The following PCDHA5 variants were observed in gnomAD, a reference collection of about 807,000 sequenced individuals.
PCDHA5 encodes protocadherin alpha 5, also known as protocadherin alpha-5.
A neutral mutation model predicts 61.6 loss-of-function variants in PCDHA5; 43 were observed. The observed-to-expected ratio is 0.70, with a 90% confidence interval of 0.55 to 0.90. The LOEUF (loss-of-function observed/expected upper bound fraction) is 0.90, where lower values mean the gene tolerates loss of function less well. Among genes scored for constraint, PCDHA5 ranks in the 40% least tolerant of loss-of-function variants. PCDHA5 has a pLI of 0.00. For synonymous variants in PCDHA5, 627 were observed against 543.9 expected, an observed-to-expected ratio of 1.15 and a Z score of -2.13; for missense variants, 1,298 against 1,222.7, an observed-to-expected ratio of 1.06 and a Z score of -0.92.
chr5:140,967,020 C>G (rs782147091), intron 1 of PCDHA5: 4 of 1,607,570 alleles, frequency 2.5e-6, no homozygotes, highest in African/African-American at 1.3e-5. Flanking sequence ...CTGGGTGCGC[C>G]CAGTCCGCGC....
intron 3 of PCDHA5, among the ~76,000 whole-genome samples, chr5:141,000,383 C>G (rs1324907388): frequency 4.7e-5 from 3 of 63,178 alleles, no homozygotes; most frequent in South Asian, 1.1e-3. Flanking sequence ...CTCTCTCTCT[C>G]TCTCTCTCTC....
At chr5:140,828,176 G>C (rs782133322) in intron 1 of PCDHA5, 1 of 1,614,128 alleles carries the variant, frequency 6.2e-7, no homozygotes, top group African/African-American at 1.3e-5. Flanking sequence ...GGTGGGGAGC[G>C]GCCAGCTCCA....
intron 1 of PCDHA5, among the ~76,000 whole-genome samples, chr5:140,931,201 A>G (rs1444701917): frequency 2.6e-5 from 4 of 152,176 alleles, no homozygotes; most frequent in Admixed American, 2.6e-4. Context: ...CTACAATGCT[A>G]GTATTTCAGG....
chr5:140,823,029 G>A lies in PCDHA5; in HGVS notation c.1254G>A (p.Ser418=), dbSNP rs2150121512. 5.3e-5 allele frequency: 85 copies of A among 1,614,220 alleles called. No homozygotes were observed. In the Middle Eastern group the frequency reaches 8.3e-4, roughly 16 times the overall value. Residue 418 remains serine (S), a synonymous_variant, in exon 1 of 4, where the codon TCG becomes TCA. Coordinates refer to ENST00000529859, the MANE Select transcript of PCDHA5 (RefSeq NM_018908.3). ...GCGCCCTGGACCGCGAGAGCGTGTC[G>A]GTCTATGAGCTGGTGGTGACCGCGC... ...LDSALDRESV[S]VYELVVTARD... is the part of the protein sequence containing the mutation.
intron 1 of PCDHA5, among the ~76,000 whole-genome samples, chr5:140,952,940 G>A (rs2094821781): frequency 6.6e-6 from 1 of 152,066 alleles, no homozygotes. Context: ...AGGAGCAAGA[G>A]AGAGAGAAGG....
intron 1 of PCDHA5, chr5:140,835,557 C>CG: frequency 5.0e-6 from 8 of 1,613,936 alleles, no homozygotes; most frequent in African/African-American, 1.3e-5. Context: ...CCTGACGCCC[C>CG]GCGTTCCCTT....
At chr5:140,907,873 CACTCA>C (rs2073658134) in intron 1 of PCDHA5, among the ~76,000 whole-genome samples, 1 of 152,226 alleles carries the variant, frequency 6.6e-6, no homozygotes, top group Non-Finnish European at 1.5e-5. Context: ...CGTTGGTGAG[CACTCA>C]CATGGGATAC....
intron 1 of PCDHA5, among the ~76,000 whole-genome samples, chr5:140,975,398 TCA>T (rs1554236785): frequency 1.3e-4 from 20 of 152,270 alleles, no homozygotes. Flanking sequence ...TCCATCACAA[TCA>T]CAGTCTTGGA....
chr5:140,841,857 T>C, intron 1 of PCDHA5: 3 of 1,613,860 alleles, frequency 1.9e-6, no homozygotes, highest in South Asian at 1.1e-5. Context: ...GATTACTTCA[T>C]GCTAGATGTG....
intron 3 of PCDHA5, among the ~76,000 whole-genome samples, chr5:141,005,561 G>T (rs1554260149): frequency 6.6e-6 from 1 of 151,354 alleles, no homozygotes. Flanking sequence ...AATTAGCCGG[G>T]CATGGTGGCG....
chr5:141,009,746 T>C lies in PCDHA5; in HGVS notation c.2620T>C (p.Phe874Leu). ...CGGTCCCGGTGAGTTGCCCGACAAA[T>C]TCATTATCCCAGGATCTCCTGCAAT... ...QSGPGELPDK[F>L]IIPGSPAIIS... The change falls in exon 4 of 4, where the codon TTC becomes CTC. Residue 874 changes from phenylalanine to leucine, a missense_variant. Transcript: ENST00000529859. 6.2e-7 allele frequency: 1 copy of C among 1,614,062 alleles called. No homozygotes were observed. Among genetic ancestry groups the C allele is most frequent in the Non-Finnish European group, 8.5e-7 (1 of 1,180,018 alleles).
intron 1 of PCDHA5, among the ~76,000 whole-genome samples, chr5:140,839,721 T>C (rs2150300331): frequency 6.6e-6 from 1 of 152,184 alleles, no homozygotes; most frequent in East Asian, 1.9e-4. Flanking sequence ...ATTTAAATCA[T>C]TTCACAGAAA....
intron 1 of PCDHA5, among the ~76,000 whole-genome samples, chr5:140,915,001 AGT>A (rs1563002922): frequency 6.9e-6 from 1 of 144,988 alleles, no homozygotes; most frequent in Non-Finnish European, 1.5e-5. Flanking sequence ...GCTGGAGTGC[AGT>A]GGCCTGATCT....
At chr5:140,996,922 A>T (rs2097752714) in intron 3 of PCDHA5, among the ~76,000 whole-genome samples, 1 of 152,198 alleles carries the variant, frequency 6.6e-6, no homozygotes, top group African/African-American at 2.4e-5. Flanking sequence ...AATATTAAAA[A>T]ATATAGCATT....
chr5:140,875,260 C>T (rs2153321792), intron 1 of PCDHA5: 1 of 1,109,124 alleles, frequency 9.0e-7, no homozygotes, highest in Non-Finnish European at 1.2e-6. Context: ...CACATGATGT[C>T]GCTCTACACT....
chr5:140,978,806 C>G (rs1554239758), intron 1 of PCDHA5, 143 bp from the exon 2 acceptor site: 2 of 1,492,474 alleles, frequency 1.3e-6, no homozygotes, highest in Non-Finnish European at 1.8e-6. Context: ...TAGATATCAT[C>G]ATAGAGTTAC....
At chr5:140,864,765 T>C (rs1345308303) in intron 1 of PCDHA5, 1 of 152,222 alleles carries the variant, frequency 6.6e-6, no homozygotes, top group Non-Finnish European at 1.5e-5. Context: ...TTTCTTTCAT[T>C]TTTGGTACCT....
At chr5:140,982,900 C>G (rs1443607900) in intron 3 of PCDHA5, among the ~76,000 whole-genome samples, 1 of 151,932 alleles carries the variant, frequency 6.6e-6, no homozygotes, top group African/African-American at 2.4e-5. Flanking sequence ...ATCTGGTGGC[C>G]TTATGCACAG....
chr5:140,958,900 C>T (rs246008), intron 1 of PCDHA5, among the ~76,000 whole-genome samples: 85,461 of 151,702 alleles, frequency 0.56, 24,676 homozygotes, highest in African/African-American at 0.69. Flanking sequence ...ATAATAGATA[C>T]AGAAAAGTCT....
Sources: allele counts gnomAD v4.1 joint callset (sites outside exome capture counted in the v4.1 genomes callset), GRCh38; gene constraint gnomAD v4.1.1; transcripts MANE v1.5; gene names NCBI Gene and HGNC (gene_info 2026-07-23, HGNC 2026-07-21).